The following RCOR3 variants were observed in gnomAD, a reference collection of about 807,000 sequenced individuals.
The protein encoded by RCOR3 is REST corepressor 3.
A neutral mutation model predicts 64.1 loss-of-function variants in RCOR3; 13 were observed. The ratio of observed to expected loss-of-function variants is 0.20; its 90% CI spans 0.13 to 0.32. The LOEUF (loss-of-function observed/expected upper bound fraction) is 0.32, where lower values mean the gene tolerates loss of function less well. RCOR3 is among the 10% of genes least tolerant of loss of function. RCOR3 has a pLI of 1.00. For synonymous variants in RCOR3, 215 were observed against 239.0 expected, an observed-to-expected ratio of 0.90 and a Z score of 0.93; for missense variants, 489 against 701.2, an observed-to-expected ratio of 0.70 and a Z score of 3.42.
intron 7 of RCOR3, among the ~76,000 whole-genome samples, chr1:211,280,635 G>T (rs776547621): frequency 6.6e-6 from 1 of 151,850 alleles, no homozygotes; most frequent in African/African-American, 2.4e-5. Flanking sequence ...TTTGTCTTTC[G>T]CATATTTTCA....
chr1:211,262,393 A>G (rs946361737), intron 2 of RCOR3, among the ~76,000 whole-genome samples: 9 of 152,306 alleles, frequency 5.9e-5, no homozygotes, highest in Admixed American at 5.9e-4. Context: ...CAATTATTCT[A>G]TAAACATTAA....
At position 211,289,185 on chromosome 1, in the gene RCOR3, C is replaced by T; in HGVS notation, c.728C>T (p.Thr243Ile). ...CTGCTTTTATTCTCTTAGGGTAATA[C>T]TGAACAACCTGTCCAAACTAGCAAG... ...PKKEAKKEGN[T>I]EQPVQTSKIG... Residue 243 changes from threonine to isoleucine, a missense_variant, in exon 8 of 12, where the codon ACT becomes ATT. Thr to Ile is a moderately conservative substitution (Grantham distance 89). Around this residue, in one of 2 missense-constraint regions of RCOR3, gnomAD observed 402 missense variants for 617.0 expected, o/e 0.65. Coordinates refer to ENST00000419091, the MANE Select transcript of RCOR3 (RefSeq NM_001136223.3). 2 of 1,613,610 alleles carry T rather than the reference C, an allele frequency of 1.2e-6. No individual in the cohort carries two copies. Among genetic ancestry groups the T allele is most frequent in the South Asian group, 1.1e-5 (1 of 91,074 alleles).
intron 7 of RCOR3, among the ~76,000 whole-genome samples, chr1:211,281,363 T>A (rs550696623): frequency 2.8e-4 from 42 of 152,356 alleles, no homozygotes; most frequent in Non-Finnish European, 4.4e-4. Flanking sequence ...TTGATCTCTC[T>A]GTTCTTCTCT....
intron 6 of RCOR3, 45 bp downstream of exon 6, chr1:211,278,286 A>G (rs370029387): frequency 6.5e-5 from 103 of 1,594,780 alleles, no homozygotes; most frequent in Non-Finnish European, 8.0e-5. Flanking sequence ...GGGACACTGC[A>G]TTGTATTGCT....
chr1:211,310,113 A>C (rs1000750443), intron 10 of RCOR3, among the ~76,000 whole-genome samples: 1 of 152,214 alleles, frequency 6.6e-6, no homozygotes, highest in African/African-American at 2.4e-5. Flanking sequence ...CTTCCTGTGT[A>C]CTCAGCATTG....
At chr1:211,285,725 T>A (rs1029130498) in intron 7 of RCOR3, among the ~76,000 whole-genome samples, 1 of 152,228 alleles carries the variant, frequency 6.6e-6, no homozygotes, top group African/African-American at 2.4e-5. Context: ...TTAATTTAGG[T>A]TTGTCAGTTC....
intron 7 of RCOR3, among the ~76,000 whole-genome samples, chr1:211,286,660 A>G (rs771922408): frequency 1.3e-5 from 2 of 152,126 alleles, no homozygotes; most frequent in African/African-American, 2.4e-5. Context: ...TTTATCCTGC[A>G]TATTTAACTT....
chr1:211,292,784 G>A (rs1699392870), intron 8 of RCOR3, among the ~76,000 whole-genome samples: 1 of 151,948 alleles, frequency 6.6e-6, no homozygotes, highest in Admixed American at 6.6e-5. Flanking sequence ...TCCACAATCA[G>A]GTATTTACAA....
At chr1:211,274,188 A>T (rs573339205) in intron 3 of RCOR3, 22 bp from the exon 4 acceptor site, 4 of 1,512,650 alleles carry the variant, frequency 2.6e-6, no homozygotes, top group African/African-American at 1.4e-5. Context: ...ATAATTAATT[A>T]TATAACATTA....
At chr1:211,284,797 C>T (rs1348312195) in intron 7 of RCOR3, among the ~76,000 whole-genome samples, 2 of 152,218 alleles carry the variant, frequency 1.3e-5, no homozygotes, top group Non-Finnish European at 2.9e-5. Flanking sequence ...GCTGGGATAA[C>T]AGGTGTGAGC....
intron 2 of RCOR3, among the ~76,000 whole-genome samples, chr1:211,262,878 TTTTA>T (rs1267664038): frequency 1.3e-5 from 2 of 152,028 alleles, no homozygotes; most frequent in East Asian, 1.9e-4. Flanking sequence ...AACTTTTTTT[TTTTA>T]TTATTATACT....
chr1:211,267,482 C>G (rs948513375), intron 2 of RCOR3, among the ~76,000 whole-genome samples: 5 of 152,186 alleles, frequency 3.3e-5, no homozygotes, highest in African/African-American at 7.2e-5. Flanking sequence ...GTATGCTGCT[C>G]CTCTATCTAC....
intron 2 of RCOR3, among the ~76,000 whole-genome samples, chr1:211,268,428 G>A (rs1212627288): frequency 4.5e-5 from 6 of 132,188 alleles, no homozygotes; most frequent in Non-Finnish European, 9.3e-5. Context: ...TGCCCAGGCT[G>A]GAGTGCAATG....
At chr1:211,282,621 C>G (rs1266380582) in intron 7 of RCOR3, among the ~76,000 whole-genome samples, 2 of 151,968 alleles carry the variant, frequency 1.3e-5, no homozygotes, top group African/African-American at 2.4e-5. Context: ...GCCTCAGCCT[C>G]CCGAGTAGCT....
intron 2 of RCOR3, among the ~76,000 whole-genome samples, chr1:211,266,766 C>G (rs920137005): frequency 1.3e-5 from 2 of 152,126 alleles, no homozygotes; most frequent in Non-Finnish European, 2.9e-5. Flanking sequence ...TTCATTCTGA[C>G]TTTTACAATG....
chr1:211,289,288 G>A lies in RCOR3; in HGVS notation c.831G>A (p.Lys277=). The A allele has an allele frequency of 6.2e-7, 1 of 1,614,062 alleles. No homozygotes were observed. The highest frequency in any genetic ancestry group is 8.5e-7 in the Non-Finnish European group (1 of 1,180,018). ...AGCGTTCTAAGTGCCGTCCACCTAA[G>A]GGCATGTATTTAACCCAGGAAGATG... ...HSQRSKCRPP[K]GMYLTQEDVV... Residue 277 remains lysine (K), a synonymous_variant, in exon 8 of 12, where the codon AAG becomes AAA. Transcript: ENST00000419091.
At chr1:211,294,917 G>A (rs776355211) in intron 8 of RCOR3, among the ~76,000 whole-genome samples, 5 of 151,902 alleles carry the variant, frequency 3.3e-5, no homozygotes, top group South Asian at 4.2e-4. Context: ...TTGCTTTGTC[G>A]CCTAGGCTAG....
intron 9 of RCOR3, chr1:211,302,309 A>T (rs1468343974): frequency 6.6e-6 from 1 of 152,236 alleles, no homozygotes; most frequent in African/African-American, 2.4e-5. Flanking sequence ...AGTCTGTTAA[A>T]CTGCAAGAGA....
chr1:211,294,036 A>G (rs770274326), intron 8 of RCOR3, among the ~76,000 whole-genome samples: 1 of 152,208 alleles, frequency 6.6e-6, no homozygotes, highest in South Asian at 2.1e-4. Flanking sequence ...TAAAACTGTT[A>G]TAATATAAGT....
Sources: allele counts gnomAD v4.1 joint callset (sites outside exome capture counted in the v4.1 genomes callset), GRCh38; gene constraint gnomAD v4.1.1; regional missense constraint gnomAD v4.1.1; transcripts MANE v1.5; gene names NCBI Gene and HGNC (gene_info 2026-07-23, HGNC 2026-07-21).